TNRC6A: variants seen among roughly 807,000 people sequenced by gnomAD.
TNRC6A encodes trinucleotide repeat containing adaptor 6A, also known as trinucleotide repeat-containing gene 6A protein.
TNRC6A carries 44 observed loss-of-function variants against 221.2 expected under a neutral mutation model. The observed-to-expected ratio is 0.20, with a 90% CI of 0.16 to 0.26. The LOEUF (loss-of-function observed/expected upper bound fraction) is 0.26. Ranked by LOEUF, TNRC6A falls within the 10% of genes least tolerant of loss-of-function variation. The probability of loss-of-function intolerance (pLI) is 1.00; values close to 1 mark genes in which losing one functional copy is unlikely to be tolerated. For synonymous variants in TNRC6A, 847 were observed against 838.5 expected (o/e 1.01, Z -0.18); for missense variants, 2,199 against 2,404.4 (o/e 0.91, Z 1.79).
At chr16:24,623,553 T>G (rs909911958) in intron 1 of TNRC6A, among the ~76,000 whole-genome samples, 3 of 152,066 alleles carry the variant, frequency 2.0e-5, no homozygotes, top group Non-Finnish European at 4.4e-5. Context: ...ACAGAATTTG[T>G]GGAGCCCAGT....
chr16:24,667,639 A>G (rs1184836865), intron 2 of TNRC6A, among the ~76,000 whole-genome samples: 1 of 152,210 alleles, frequency 6.6e-6, no homozygotes, highest in African/African-American at 2.4e-5. Context: ...TAGAATAGAA[A>G]TAGTATTACC....
intron 1 of TNRC6A, among the ~76,000 whole-genome samples, chr16:24,615,569 T>A (rs1429523566): frequency 6.6e-6 from 1 of 152,088 alleles, no homozygotes. Flanking sequence ...TGTGGGCTCA[T>A]GAAGCCAAGA....
At chr16:24,757,137 T>G (rs1444082519) in intron 3 of TNRC6A, among the ~76,000 whole-genome samples, 1 of 152,188 alleles carries the variant, frequency 6.6e-6, no homozygotes, top group African/African-American at 2.4e-5. Flanking sequence ...ATCAAAATTT[T>G]TTTTTTCATT....
intron 2 of TNRC6A, among the ~76,000 whole-genome samples, chr16:24,714,527 G>A (rs527684523): frequency 6.6e-6 from 1 of 151,552 alleles, no homozygotes; most frequent in Admixed American, 6.6e-5. Flanking sequence ...GGATGGTCTC[G>A]ATCTCCTGAC....
chr16:24,614,870 G>C (rs779409796), intron 1 of TNRC6A, among the ~76,000 whole-genome samples: 1 of 152,160 alleles, frequency 6.6e-6, no homozygotes, highest in Non-Finnish European at 1.5e-5. Context: ...AGGAGTTCGC[G>C]ACCAGCCTGG....
At chr16:24,727,189 C>A (rs1242982033), upstream of TNRC6A, among the ~76,000 whole-genome samples, 1 of 152,114 alleles carries the variant, frequency 6.6e-6, no homozygotes, top group East Asian at 1.9e-4. Flanking sequence ...ACCACTATGC[C>A]TGGCTAATTT....
chr16:24,692,672 C>A (rs186313947), intron 2 of TNRC6A, among the ~76,000 whole-genome samples: 163 of 151,752 alleles, frequency 1.1e-3, no homozygotes, highest in Middle Eastern at 3.4e-3. Flanking sequence ...GTGATTGTGC[C>A]ACTGCATTCC....
chr16:24,702,716 A>AT (rs2056011478), intron 2 of TNRC6A, among the ~76,000 whole-genome samples: 1 of 152,036 alleles, frequency 6.6e-6, no homozygotes, highest in African/African-American at 2.4e-5. Flanking sequence ...AGCCCGGGTG[A>AT]CACAGTGAGA....
intron 11 of TNRC6A, among the ~76,000 whole-genome samples, chr16:24,801,173 A>G (rs1181727833): frequency 6.6e-6 from 1 of 152,194 alleles, no homozygotes; most frequent in Non-Finnish European, 1.5e-5. Context: ...AAGTGTAATT[A>G]ATTAGATGTG....
At chr16:24,701,092 C>G (rs1224974954) in intron 2 of TNRC6A, among the ~76,000 whole-genome samples, 1 of 152,216 alleles carries the variant, frequency 6.6e-6, no homozygotes, top group African/African-American at 2.4e-5. Context: ...TGCCAAAAGG[C>G]AGTTAAGTTC....
chr16:24,750,081 A>G lies in TNRC6A; in HGVS notation c.54-645A>G, dbSNP rs1040701557. 3.3e-5 allele frequency among the ~76,000 whole-genome samples: 5 copies of G among 152,202 alleles called. No individual in the cohort carries two copies. The South Asian group carries it at 1.0e-3, about 31-fold the overall frequency. ...CTTGAACTCGGGAGGTGGAGGCTGC[A>G]GTGAGCAGAGATCATGCCACTGCAT... On this transcript the variant is annotated intron_variant, in intron 2 of 24. Coordinates refer to ENST00000395799, the MANE Select transcript of TNRC6A (RefSeq NM_014494.4).
chr16:24,709,290 C>CAT (rs2056158953), intron 2 of TNRC6A, among the ~76,000 whole-genome samples: 1 of 151,086 alleles, frequency 6.6e-6, no homozygotes, highest in African/African-American at 2.4e-5. Context: ...GTGACTTTTT[C>CAT]ATATAATGAC....
At chr16:24,722,005 G>A (rs111687390) in intron 2 of TNRC6A, among the ~76,000 whole-genome samples, 9 of 152,182 alleles carry the variant, frequency 5.9e-5, no homozygotes, top group African/African-American at 1.9e-4. Context: ...TCTGTGGGAG[G>A]ACAACAGGTG....
In TNRC6A at chr16:24,789,510, G is replaced by A. The variant is rs144669172; in HGVS notation, c.868G>A (p.Gly290Ser). ...TGGCCTTCGGAATAGCACTGGACTT[G>A]GTTCCCAAAACAAGTTTGTAGTTGG... Reference protein sequence around the residue: ...KDGLRNSTGLGSQNKFVVGSS... With the variant: ...KDGLRNSTGLSSQNKFVVGSS... Residue 290 changes from glycine (G) to serine (S), a missense_variant, in exon 6 of 25, where the codon GGT becomes AGT. Physicochemically the swap from Gly to Ser is moderately conservative, Grantham distance 56 (BLOSUM62 0). Coordinates refer to ENST00000395799, the MANE Select transcript of TNRC6A (RefSeq NM_014494.4). 2,507 of 1,614,170 alleles carry A rather than the reference G, an allele frequency of 1.6e-3. No homozygotes were observed. Among genetic ancestry groups the A allele is most frequent in the Non-Finnish European group, 2.0e-3 (2,376 of 1,180,028 alleles).
At chr16:24,682,438 G>A (rs1389857200) in intron 2 of TNRC6A, among the ~76,000 whole-genome samples, 1 of 147,976 alleles carries the variant, frequency 6.8e-6, no homozygotes, top group African/African-American at 2.5e-5. Context: ...ATATGGTCCA[G>A]GCTGGTCTCA....
In TNRC6A at chr16:24,804,200, G is replaced by A; in HGVS notation, c.3718G>A (p.Glu1240Lys). 1.2e-6 allele frequency: 2 copies of A among 1,611,002 alleles called. No homozygotes were observed. Among genetic ancestry groups the A allele is most frequent in the Non-Finnish European group, 1.7e-6 (2 of 1,179,348 alleles). ...AGGAATGTTACAAGACAAACGAATG[G>A]AGATAGATAAACATAGCCTAAATAT... ...SGGMLQDKRM[E>K]IDKHSLNIGD... The change falls in exon 12 of 25, where the codon GAG becomes AAG. Residue 1240 changes from glutamate (E) to lysine (K), a missense_variant. Physicochemically the swap from Glu to Lys is moderately conservative, Grantham distance 56. Coordinates refer to ENST00000395799, the MANE Select transcript of TNRC6A (RefSeq NM_014494.4).
chr16:24,663,089 T>A (rs952951323), intron 2 of TNRC6A: 2 of 153,706 alleles, frequency 1.3e-5, no homozygotes, highest in African/African-American at 4.8e-5. Flanking sequence ...AGGGGCCTCT[T>A]TCAGTTTACT....
chr16:24,796,857 C>G (rs1475180875), intron 9 of TNRC6A, among the ~76,000 whole-genome samples: 7 of 152,204 alleles, frequency 4.6e-5, no homozygotes, highest in African/African-American at 1.4e-4. Flanking sequence ...CACAGACCCT[C>G]CATCCTCTTA....
At chr16:24,643,396 C>T (rs565016597) in intron 2 of TNRC6A, among the ~76,000 whole-genome samples, 95 of 151,820 alleles carry the variant, frequency 6.3e-4, no homozygotes, top group African/African-American at 2.2e-3. Context: ...CTTAGGGCGG[C>T]GGATTAGGGC....
Sources: gnomAD v4.1 joint callset for allele counts (sites outside exome capture counted in the v4.1 genomes callset) on GRCh38, gnomAD v4.1.1 for gene constraint, MANE v1.5 for transcripts, NCBI Gene and HGNC (gene_info 2026-07-23, HGNC 2026-07-21) for gene names.